INPP5F: variants seen among roughly 807,000 people sequenced by gnomAD.
INPP5F encodes the protein inositol polyphosphate-5-phosphatase F.
Under a neutral mutation model 137.2 loss-of-function variants are expected in INPP5F, and 97 were observed. The ratio of observed to expected loss-of-function variants is 0.71; its 90% CI spans 0.60 to 0.84. The LOEUF is 0.84. Ranked by LOEUF, INPP5F falls within the 40% of genes least tolerant of loss-of-function variation. The probability of loss-of-function intolerance (pLI) is 0.00; values close to 1 mark genes in which losing one functional copy is unlikely to be tolerated. For synonymous variants in INPP5F, 504 were observed against 476.9 expected (o/e 1.06, Z -0.74); for missense variants, 1,271 against 1,371.9 (o/e 0.93, Z 1.16).
At chr10:119,768,855 G>A (rs771928163) in intron 2 of INPP5F, among the ~76,000 whole-genome samples, 3 of 152,142 alleles carry the variant, frequency 2.0e-5, no homozygotes, top group African/African-American at 2.4e-5. Context: ...CCAAAAGAGC[G>A]GTGAAAATAG....
chr10:119,819,928 T>G (rs1269180199), intron 15 of INPP5F: 1 of 157,204 alleles, frequency 6.4e-6, no homozygotes, highest in African/African-American at 2.4e-5. Flanking sequence ...TGCTTGTTAT[T>G]AGTAGCATTT....
At position 119,761,266 on chromosome 10, in the gene INPP5F, T is replaced by C. The variant is rs546412735; in HGVS notation, c.178+10110T>C. ...CTCTAGATGCTCTCCCTATGAGTCA[T>C]TGTCAGTTTTCTATAAACCGAGACT... On this transcript the variant is annotated intron_variant, in intron 2 of 19. Coordinates refer to ENST00000650623, the MANE Select transcript of INPP5F (RefSeq NM_014937.4). Among the ~76,000 whole-genome samples, 5 of 152,342 alleles carry C rather than the reference T, an allele frequency of 3.3e-5. 1 individual carries two copies. Among genetic ancestry groups the C allele is most frequent in the African/African-American group, 1.2e-4 (5 of 41,580 alleles).
At chr10:119,756,456 T>C (rs1314334681) in intron 2 of INPP5F, among the ~76,000 whole-genome samples, 2 of 151,838 alleles carry the variant, frequency 1.3e-5, no homozygotes, top group East Asian at 3.9e-4. Context: ...GCTAACATGG[T>C]GAAACCCCCT....
intron 2 of INPP5F, among the ~76,000 whole-genome samples, chr10:119,766,869 C>A (rs1436225410): frequency 6.6e-6 from 1 of 151,966 alleles, no homozygotes; most frequent in Non-Finnish European, 1.5e-5. Context: ...TTTGGGAGGC[C>A]AAGGCTGGCA....
intron 3 of INPP5F, among the ~76,000 whole-genome samples, chr10:119,783,484 C>T (rs906090068): frequency 2.2e-4 from 34 of 152,188 alleles, no homozygotes; most frequent in Non-Finnish European, 7.3e-5. Flanking sequence ...TTAAATGTCA[C>T]ACATCATCCA....
At chr10:119,753,720 A>G (rs541027295) in intron 2 of INPP5F, among the ~76,000 whole-genome samples, 16 of 152,308 alleles carry the variant, frequency 1.1e-4, no homozygotes, top group Non-Finnish European at 2.4e-4. Flanking sequence ...TGGTCTCTTC[A>G]TTTCCATAGG....
At chr10:119,820,766 A>G in intron 15 of INPP5F, 80 bp from the exon 16 acceptor site, 1 of 1,138,608 alleles carries the variant, frequency 8.8e-7, no homozygotes, top group Non-Finnish European at 1.3e-6. Context: ...TGTCCTAAGT[A>G]GCTCTGCTGT....
At chr10:119,780,238 A>G (rs1849657861) in intron 2 of INPP5F, among the ~76,000 whole-genome samples, 1 of 152,138 alleles carries the variant, frequency 6.6e-6, no homozygotes, top group Non-Finnish European at 1.5e-5. Context: ...CCTTACATGA[A>G]GGGTAGTACA....
At chr10:119,798,449 A>G in intron 8 of INPP5F, 94 bp from the exon 9 acceptor site, 1 of 823,456 alleles carries the variant, frequency 1.2e-6, no homozygotes. Context: ...TGGGCTGTCA[A>G]TAAATTATTT....
intron 2 of INPP5F, among the ~76,000 whole-genome samples, chr10:119,780,374 A>G (rs573078589): frequency 1.3e-5 from 2 of 152,260 alleles, no homozygotes; most frequent in East Asian, 1.9e-4. Flanking sequence ...CAGCAGTTTG[A>G]GACCAGCTGG....
chr10:119,794,960 C>T (rs1456699629), intron 6 of INPP5F, among the ~76,000 whole-genome samples: 13 of 131,030 alleles, frequency 9.9e-5, no homozygotes, highest in Admixed American at 2.9e-4. Flanking sequence ...CTCCTCACTT[C>T]CCAGTAGGGG....
chr10:119,798,656 A>T, intron 9 of INPP5F, 46 bp downstream of exon 9: 1 of 1,354,928 alleles, frequency 7.4e-7, no homozygotes, highest in South Asian at 1.2e-5. Context: ...ATCTTTAGAA[A>T]TAACTTTTTC....
intron 2 of INPP5F, among the ~76,000 whole-genome samples, chr10:119,755,570 A>G (rs1403885447): frequency 1.3e-5 from 2 of 152,232 alleles, no homozygotes; most frequent in African/African-American, 2.4e-5. Flanking sequence ...ATAACGGAAC[A>G]TAATGTCCAC....
intron 2 of INPP5F, among the ~76,000 whole-genome samples, chr10:119,774,519 A>C (rs1466488541): frequency 6.8e-6 from 1 of 147,646 alleles, no homozygotes; most frequent in South Asian, 2.1e-4. Context: ...TTCTTTCTTG[A>C]GACTGGGCCT....
At chr10:119,819,443 A>G in intron 15 of INPP5F, 1 of 1,547,734 alleles carries the variant, frequency 6.5e-7, no homozygotes, top group Non-Finnish European at 8.8e-7. Context: ...CTAGGATGAA[A>G]GTAACACTGT....
chr10:119,734,031 A>T (rs1848157168), intron 1 of INPP5F, among the ~76,000 whole-genome samples: 11 of 152,222 alleles, frequency 7.2e-5, no homozygotes, highest in Admixed American at 7.2e-4. Flanking sequence ...AGACTAGAAC[A>T]CACTGCCTCT....
chr10:119,805,202 A>G (rs916963032), intron 10 of INPP5F, among the ~76,000 whole-genome samples, 182 bp from the exon 11 acceptor site: 11 of 152,248 alleles, frequency 7.2e-5, no homozygotes, highest in African/African-American at 2.7e-4. Context: ...TTATTTCACA[A>G]TGCAGATTAG....
At chr10:119,809,461 G>GGT (rs772545819) in intron 13 of INPP5F, among the ~76,000 whole-genome samples, 5 of 151,970 alleles carry the variant, frequency 3.3e-5, no homozygotes, top group African/African-American at 7.3e-5. Flanking sequence ...GAAATAGAGG[G>GGT]GTTGGGATGG....
chr10:119,770,645 C>T (rs1283007040), intron 2 of INPP5F, among the ~76,000 whole-genome samples: 1 of 152,042 alleles, frequency 6.6e-6, no homozygotes, highest in Non-Finnish European at 1.5e-5. Flanking sequence ...GTGAGGTCTT[C>T]TTTTGTTTGT....
Sources: allele counts gnomAD v4.1 joint callset (sites outside exome capture counted in the v4.1 genomes callset), GRCh38; gene constraint gnomAD v4.1.1; transcripts MANE v1.5; gene names NCBI Gene and HGNC (gene_info 2026-07-23, HGNC 2026-07-21).